Variants in TMEM135 observed in about 807,000 individuals in gnomAD.
TMEM135 encodes the protein transmembrane protein 135.
In TMEM135, 30 loss-of-function variants were observed where a neutral mutation model predicts 60.3. That is an observed-to-expected ratio of 0.50 (90% confidence interval 0.37 to 0.68). The LOEUF (loss-of-function observed/expected upper bound fraction) is 0.68. Among genes scored for constraint, TMEM135 ranks in the 30% least tolerant of loss-of-function variants. TMEM135 has a pLI of 0.00. For synonymous variants in TMEM135, 190 were observed against 186.7 expected (o/e 1.02, Z -0.14); for missense variants, 468 against 548.8 (o/e 0.85, Z 1.47).
At chr11:87,269,572 A>C in intron 6 of TMEM135, among the ~76,000 whole-genome samples, 1 of 148,010 alleles carries the variant, frequency 6.8e-6, no homozygotes, top group African/African-American at 2.5e-5. Context: ...TTCAATTCCC[A>C]CCTATGAGTG....
chr11:87,211,307 A>G (rs1940364205), intron 5 of TMEM135, among the ~76,000 whole-genome samples: 1 of 152,246 alleles, frequency 6.6e-6, no homozygotes, highest in African/African-American at 2.4e-5. Context: ...ATACAACTTC[A>G]TACTTTTTAT....
intron 4 of TMEM135, among the ~76,000 whole-genome samples, chr11:87,093,237 T>C (rs1193200932): frequency 6.6e-6 from 1 of 152,144 alleles, no homozygotes; most frequent in Non-Finnish European, 1.5e-5. Context: ...TTTTATGTTT[T>C]TGGTCTCATT....
intron 5 of TMEM135, among the ~76,000 whole-genome samples, chr11:87,214,705 A>G (rs1167863128): frequency 6.6e-6 from 1 of 152,096 alleles, no homozygotes; most frequent in Non-Finnish European, 1.5e-5. Context: ...TTACATCACT[A>G]CAGAATGTTA....
chr11:87,208,960 A>G (rs1591105273), intron 5 of TMEM135, among the ~76,000 whole-genome samples: 1 of 152,184 alleles, frequency 6.6e-6, no homozygotes, highest in African/African-American at 2.4e-5. Context: ...TATCCCTCCA[A>G]TCTAAGCTTC....
intron 6 of TMEM135, among the ~76,000 whole-genome samples, chr11:87,246,078 C>G (rs1319141603): frequency 1.2e-4 from 17 of 142,658 alleles, no homozygotes; most frequent in South Asian, 2.3e-4. Flanking sequence ...ATTTGCTTGT[C>G]TGTAAAGTAT....
intron 1 of TMEM135, among the ~76,000 whole-genome samples, chr11:87,058,323 T>G (rs982715407): frequency 1.4e-5 from 2 of 139,484 alleles, no homozygotes; most frequent in Non-Finnish European, 3.0e-5. Context: ...TAATTCTGCC[T>G]CCTTTATTAT....
At chr11:87,093,031 C>T (rs919603370) in intron 4 of TMEM135, among the ~76,000 whole-genome samples, 10 of 151,946 alleles carry the variant, frequency 6.6e-5, no homozygotes, top group African/African-American at 2.4e-4. Flanking sequence ...CTTGCTTCTC[C>T]CCATTCTCTA....
rs570696213 is a variant in TMEM135, at chr11:87,059,217, C to T, written c.142-8477C>T. 5.8e-3 allele frequency among the ~76,000 whole-genome samples: 884 copies of T among 151,778 alleles called. 6 individuals are homozygous for T. The highest frequency in any genetic ancestry group is 6.9e-3 in the African/African-American group (284 of 41,408). ...CTCCCAAAGTGCTGACGTCAGCCAC[C>T]GCGCCCAGCCGAAAAATTTTTAGAA... On this transcript the variant is annotated intron_variant, in intron 1 of 14. Coordinates refer to ENST00000305494, the MANE Select transcript of TMEM135 (RefSeq NM_022918.4).
chr11:87,125,229 A>G (rs1480885502), intron 4 of TMEM135, among the ~76,000 whole-genome samples: 1 of 152,240 alleles, frequency 6.6e-6, no homozygotes, highest in Non-Finnish European at 1.5e-5. Flanking sequence ...CAGATAGCCA[A>G]TGCGCTGTCT....
At chr11:87,223,257 C>T (rs1405995600) in intron 5 of TMEM135, among the ~76,000 whole-genome samples, 1 of 151,692 alleles carries the variant, frequency 6.6e-6, no homozygotes, top group Non-Finnish European at 1.5e-5. Flanking sequence ...CTCTGCCTCC[C>T]GGGTTCATGC....
intron 6 of TMEM135, among the ~76,000 whole-genome samples, chr11:87,293,019 T>C (rs1434500214): frequency 4.6e-5 from 7 of 152,352 alleles, no homozygotes; most frequent in Admixed American, 4.6e-4. Context: ...AACAATAACA[T>C]ATGAAAGCCA....
intron 5 of TMEM135, among the ~76,000 whole-genome samples, chr11:87,196,881 T>G (rs1354964796): frequency 6.6e-6 from 1 of 152,174 alleles, no homozygotes; most frequent in Non-Finnish European, 1.5e-5. Flanking sequence ...AAATTGAATT[T>G]AAATTACTTT....
At chr11:87,266,015 T>G (rs972973115) in intron 6 of TMEM135, among the ~76,000 whole-genome samples, 4 of 152,178 alleles carry the variant, frequency 2.6e-5, no homozygotes, top group Non-Finnish European at 5.9e-5. Context: ...GAACAAAGAT[T>G]AAATGTTATT....
At chr11:87,162,180 A>G (rs1344550958) in intron 5 of TMEM135, among the ~76,000 whole-genome samples, 1 of 151,578 alleles carries the variant, frequency 6.6e-6, no homozygotes, top group Non-Finnish European at 1.5e-5. Context: ...AAGATGTCTT[A>G]AAGGAGGTAT....
intron 13 of TMEM135, 152 bp from the exon 14 acceptor site, chr11:87,319,158 C>A: frequency 1.5e-6 from 1 of 683,798 alleles, no homozygotes; most frequent in Non-Finnish European, 2.6e-6. Context: ...TGTGAGCCAC[C>A]GTGCCCAGCC....
At chr11:87,239,867 TTGAAAACTATG>T (rs1370165617) in intron 6 of TMEM135, among the ~76,000 whole-genome samples, 1 of 151,912 alleles carries the variant, frequency 6.6e-6, no homozygotes, top group Non-Finnish European at 1.5e-5. Flanking sequence ...GTTTTTGATA[TTGAAAACTATG>T]TGAAAACTAT....
chr11:87,186,223 G>A (rs1939649801), intron 5 of TMEM135, among the ~76,000 whole-genome samples: 1 of 152,072 alleles, frequency 6.6e-6, no homozygotes, highest in Non-Finnish European at 1.5e-5. Flanking sequence ...CCTTCTTGAA[G>A]GTAAAGTTGT....
At chr11:87,173,281 A>G (rs1939286504) in intron 5 of TMEM135, among the ~76,000 whole-genome samples, 1 of 152,164 alleles carries the variant, frequency 6.6e-6, no homozygotes, top group African/African-American at 2.4e-5. Context: ...AATCAAATAA[A>G]CAAATATTCA....
intron 5 of TMEM135, 23 bp downstream of exon 5, chr11:87,157,429 G>C (rs761458325): frequency 2.1e-5 from 33 of 1,585,762 alleles, no homozygotes; most frequent in Admixed American, 6.7e-5. Context: ...TTTTGATATA[G>C]TTATTAGTTG....
Sources: allele counts gnomAD v4.1 joint callset (sites outside exome capture counted in the v4.1 genomes callset), GRCh38; gene constraint gnomAD v4.1.1; transcripts MANE v1.5; gene names NCBI Gene and HGNC (gene_info 2026-07-23, HGNC 2026-07-21).